Variants in DAB1 observed in about 807,000 individuals in gnomAD.
DAB1 encodes the protein disabled homolog 1.
DAB1 carries 15 observed loss-of-function variants against 64.6 expected under a neutral mutation model. The observed-to-expected ratio is 0.23, with a 90% CI of 0.16 to 0.36. The LOEUF (loss-of-function observed/expected upper bound fraction) is 0.36. Ranked by LOEUF, DAB1 falls within the 10% of genes least tolerant of loss-of-function variation. DAB1 has a pLI of 1.00. For synonymous variants in DAB1, 235 were observed against 251.9 expected, an observed-to-expected ratio of 0.93 and a Z score of 0.64; for missense variants, 596 against 706.7, an observed-to-expected ratio of 0.84 and a Z score of 1.78.
chr1:57,832,788 T>C (rs1652647075), intron 1 of DAB1, among the ~76,000 whole-genome samples: 1 of 152,154 alleles, frequency 6.6e-6, no homozygotes, highest in African/African-American at 2.4e-5. Context: ...TTCAAAGGAC[T>C]GAAGTGGATT....
intron 3 of DAB1, among the ~76,000 whole-genome samples, chr1:58,376,130 C>T (rs1423529679): frequency 5.3e-5 from 8 of 152,040 alleles, no homozygotes; most frequent in Non-Finnish European, 8.8e-5. Flanking sequence ...AAAAAACCAG[C>T]TCCTGGGTTC....
intron 5 of DAB1, among the ~76,000 whole-genome samples, chr1:57,945,840 C>A (rs1373771327): frequency 6.6e-6 from 1 of 152,138 alleles, no homozygotes; most frequent in African/African-American, 2.4e-5. Context: ...AGTTAGGGAC[C>A]TTAATTTAGT....
At chr1:57,704,392 C>G (rs1479580757) in intron 6 of DAB1, among the ~76,000 whole-genome samples, 1 of 152,146 alleles carries the variant, frequency 6.6e-6, no homozygotes, top group Non-Finnish European at 1.5e-5. Flanking sequence ...AACCCCTGGC[C>G]TCTGAGCATT....
At chr1:57,282,934 G>A (rs892805294) in intron 2 of DAB1, among the ~76,000 whole-genome samples, 1 of 152,154 alleles carries the variant, frequency 6.6e-6, no homozygotes, top group Admixed American at 6.5e-5. Flanking sequence ...CTCCCCAGAA[G>A]AGTATAGCCC....
intron 5 of DAB1, among the ~76,000 whole-genome samples, chr1:57,978,398 C>T (rs1045745157): frequency 3.3e-5 from 5 of 152,104 alleles, no homozygotes; most frequent in Non-Finnish European, 5.9e-5. Flanking sequence ...TTCCTTACAC[C>T]TTATATAAAA....
At chr1:57,640,157 T>A (rs971470521) in intron 7 of DAB1, among the ~76,000 whole-genome samples, 2 of 152,166 alleles carry the variant, frequency 1.3e-5, no homozygotes, top group Non-Finnish European at 2.9e-5. Flanking sequence ...TGTGACTTAA[T>A]GTGAGTTCCT....
At chr1:58,300,408 G>A (rs564415892) in intron 4 of DAB1, among the ~76,000 whole-genome samples, 15 of 151,654 alleles carry the variant, frequency 9.9e-5, no homozygotes, top group Admixed American at 2.6e-4. Context: ...TTAGCCAGGC[G>A]TAGTGGCGGG....
chr1:57,013,143 C>A (rs1646315662), intron 12 of DAB1, among the ~76,000 whole-genome samples: 1 of 152,206 alleles, frequency 6.6e-6, no homozygotes, highest in South Asian at 2.1e-4. Flanking sequence ...AATTATCTGG[C>A]CCAACATGTC....
At chr1:57,318,752 A>T (rs1167738098) in intron 1 of DAB1, among the ~76,000 whole-genome samples, 1 of 114,148 alleles carries the variant, frequency 8.8e-6, no homozygotes. Flanking sequence ...AAAAAAAAAA[A>T]AATTTCATCG....
intron 6 of DAB1, among the ~76,000 whole-genome samples, chr1:57,660,385 T>C (rs566522954): frequency 6.6e-6 from 1 of 152,286 alleles, no homozygotes; most frequent in East Asian, 1.9e-4. Context: ...GCCGGCCTCT[T>C]CTTGGGGCCC....
At chr1:58,275,747 G>A (rs1212987177) in intron 4 of DAB1, among the ~76,000 whole-genome samples, 3 of 152,170 alleles carry the variant, frequency 2.0e-5, no homozygotes, top group Non-Finnish European at 4.4e-5. Context: ...TGGTTCAGCT[G>A]CTACAGAAAT....
chr1:57,793,065 A>G (rs1181474615), intron 6 of DAB1, among the ~76,000 whole-genome samples: 2 of 152,250 alleles, frequency 1.3e-5, no homozygotes, highest in African/African-American at 4.8e-5. Context: ...TTTTAGGCCC[A>G]TAATCTGAGC....
intron 7 of DAB1, among the ~76,000 whole-genome samples, chr1:57,520,468 T>C (rs974822375): frequency 6.6e-6 from 1 of 152,162 alleles, no homozygotes; most frequent in Non-Finnish European, 1.5e-5. Context: ...TTTTGTTTGT[T>C]TGTTTTGCAT....
At chr1:58,172,577 C>G (rs569924644) in intron 4 of DAB1, among the ~76,000 whole-genome samples, 1 of 152,174 alleles carries the variant, frequency 6.6e-6, no homozygotes, top group African/African-American at 2.4e-5. Flanking sequence ...GGATGGGGAA[C>G]CAATTGAGCA....
rs5774380 is a variant in DAB1, at chr1:57,924,627, T to A, written n.388-40465A>T. On this transcript the variant is annotated intron_variant and non_coding_transcript_variant, in intron 5 of 20. Transcript: ENST00000485760. ...GGCACCCACCACCACACTTGGCTAA[T>A]TTTTTTTTTTTTTTTTTTTTTAGTA... 7.7e-3 allele frequency among the ~76,000 whole-genome samples: 221 copies of A among 28,806 alleles called. 1 individual carries two copies. Among genetic ancestry groups the A allele is most frequent in the Non-Finnish European group, 0.013 (117 of 9,358 alleles). The allele number at this position is 28,806 out of a possible 152,430, so 18.9% of individuals were successfully genotyped here.
chr1:57,313,011 T>C (rs764503982), intron 1 of DAB1, among the ~76,000 whole-genome samples: 3 of 152,146 alleles, frequency 2.0e-5, no homozygotes, highest in Non-Finnish European at 4.4e-5. Flanking sequence ...TCAGGAATCC[T>C]GGGATGAGGC....
chr1:57,297,881 T>C (rs984163016), intron 1 of DAB1, among the ~76,000 whole-genome samples: 4 of 152,140 alleles, frequency 2.6e-5, no homozygotes, highest in Non-Finnish European at 5.9e-5. Flanking sequence ...CCTCCACCCC[T>C]GTAACTCCCC....
chr1:58,059,090 T>G (rs3753509), intron 5 of DAB1, among the ~76,000 whole-genome samples: 1 of 152,060 alleles, frequency 6.6e-6, no homozygotes, highest in Non-Finnish European at 1.5e-5. Flanking sequence ...GCTCTGCACA[T>G]AGCCCTGTCC....
intron 7 of DAB1, among the ~76,000 whole-genome samples, chr1:57,510,805 G>T (rs1318922883): frequency 6.6e-6 from 1 of 151,888 alleles, no homozygotes; most frequent in East Asian, 1.9e-4. Flanking sequence ...TAGACTCGGG[G>T]TCTCGCTCTG....
Sources: gnomAD v4.1 joint callset for allele counts (sites outside exome capture counted in the v4.1 genomes callset) on GRCh38, gnomAD v4.1.1 for gene constraint, MANE v1.5 for transcripts, NCBI Gene and HGNC (gene_info 2026-07-23, HGNC 2026-07-21) for gene names.